The following PTPRK variants were observed in gnomAD, a reference collection of about 807,000 sequenced individuals.
The protein encoded by PTPRK is protein tyrosine phosphatase receptor type K.
Under a neutral mutation model 178.0 loss-of-function variants are expected in PTPRK, and 75 were observed. That is an observed-to-expected ratio of 0.42 (90% CI 0.35 to 0.51). PTPRK has a LOEUF of 0.51. Among genes scored for constraint, PTPRK ranks in the 20% least tolerant of loss-of-function variants. The probability of loss-of-function intolerance (pLI) is 0.02; values close to 1 mark genes in which losing one functional copy is unlikely to be tolerated. For missense variants in PTPRK, 1,441 were observed against 1,797.8 expected (o/e 0.80, Z 3.59); for synonymous variants, 637 against 620.6 (o/e 1.03, Z -0.39).
In PTPRK at chr6:128,077,048, C is replaced by T. The variant is rs559662614; in HGVS notation, c.1883+1765G>A. On this transcript the variant is annotated intron_variant, in intron 11 of 29. Transcript: ENST00000368226. ...GTGATGCAAAAATAATAAAAATATG[C>T]TGTGTTTGCAACTTACGTAAAATAA... Among the ~76,000 whole-genome samples, 17 of 152,148 alleles carry T rather than the reference C, an allele frequency of 1.1e-4. 1 individual carries two copies. The East Asian group carries it at 3.3e-3, about 29-fold the overall frequency.
chr6:128,479,597 G>T (rs999272267), intron 1 of PTPRK, among the ~76,000 whole-genome samples: 1 of 151,994 alleles, frequency 6.6e-6, no homozygotes, highest in Non-Finnish European at 1.5e-5. Context: ...TCACACATAG[G>T]TTTTCACTCT....
At position 128,437,230 on chromosome 6, in the gene PTPRK, G is replaced by T. The variant is rs1025201668; in HGVS notation, c.101-39542C>A. 1.2e-4 allele frequency among the ~76,000 whole-genome samples: 18 copies of T among 152,272 alleles called. 2 individuals are homozygous for T. Among genetic ancestry groups the T allele is most frequent in the Admixed American group, 7.8e-4 (12 of 15,288 alleles). Reference sequence around the variant, plus strand: ...TAAGAACAAAAACCATTCTTAGTTTGAGAATAGGTTTTGCTTTAAAGATAA... The same window carrying T: ...TAAGAACAAAAACCATTCTTAGTTTTAGAATAGGTTTTGCTTTAAAGATAA... On this transcript the variant is annotated intron_variant, in intron 1 of 29. Transcript: ENST00000368226.
chr6:128,520,166 C>T (rs915489828), intron 1 of PTPRK, 93 bp downstream of exon 1: 24 of 1,138,858 alleles, frequency 2.1e-5, no homozygotes, highest in Admixed American at 7.7e-5. Context: ...GAGCTCCCCA[C>T]GATCCTTGTC....
intron 11 of PTPRK, among the ~76,000 whole-genome samples, chr6:128,073,198 G>A (rs1783147023): frequency 6.6e-6 from 1 of 151,880 alleles, no homozygotes; most frequent in Admixed American, 6.6e-5. Context: ...AATATTTATT[G>A]AGTATCTGTT....
At chr6:128,512,051 A>G (rs1373479975) in intron 1 of PTPRK, among the ~76,000 whole-genome samples, 3 of 151,640 alleles carry the variant, frequency 2.0e-5, no homozygotes, top group Non-Finnish European at 4.4e-5. Flanking sequence ...CAGTACTAGT[A>G]AAAAAGACAA....
intron 13 of PTPRK, among the ~76,000 whole-genome samples, chr6:128,010,834 G>A (rs1778969746): frequency 6.6e-6 from 1 of 150,998 alleles, no homozygotes; most frequent in Admixed American, 6.6e-5. Context: ...CAAGGCTTTG[G>A]CTGGTGTATT....
At position 128,492,677 on chromosome 6, in the gene PTPRK, C is replaced by T. The variant is rs140551249; in HGVS notation, c.100+27582G>A. ...AGTTCATAGCTGTTATTTTCATGCT[C>T]AGTATCTAATTCATCTCCTACTACT... On this transcript the variant is annotated intron_variant, in intron 1 of 29. Coordinates refer to ENST00000368226, the MANE Select transcript of PTPRK (RefSeq NM_002844.4). Among the ~76,000 whole-genome samples, 54 of 152,310 alleles carry T rather than the reference C, an allele frequency of 3.5e-4. 1 individual carries two copies. The East Asian group carries it at 8.1e-3, about 23-fold the overall frequency.
intron 1 of PTPRK, among the ~76,000 whole-genome samples, chr6:128,489,754 C>T (rs1853497863): frequency 6.6e-6 from 1 of 152,282 alleles, no homozygotes; most frequent in South Asian, 2.1e-4. Context: ...TTTTCCTATA[C>T]AACCAACTCA....
At chr6:128,337,048 A>G (rs1831028809) in intron 2 of PTPRK, among the ~76,000 whole-genome samples, 1 of 152,126 alleles carries the variant, frequency 6.6e-6, no homozygotes, top group Non-Finnish European at 1.5e-5. Context: ...ATAATAAAAT[A>G]AGCATTTTTG....
intron 1 of PTPRK, among the ~76,000 whole-genome samples, chr6:128,457,650 T>C (rs1351163444): frequency 2.0e-5 from 3 of 152,172 alleles, no homozygotes; most frequent in Non-Finnish European, 2.9e-5. Context: ...TCCTCCACAA[T>C]ACTTAGCCAC....
At chr6:128,127,245 T>C (rs1047745026) in intron 7 of PTPRK, among the ~76,000 whole-genome samples, 4 of 152,220 alleles carry the variant, frequency 2.6e-5, no homozygotes, top group African/African-American at 9.6e-5. Flanking sequence ...TTGTTTTCCT[T>C]CTTCAGTACG....
intron 2 of PTPRK, among the ~76,000 whole-genome samples, chr6:128,338,639 T>C (rs1831258407): frequency 6.8e-6 from 1 of 147,266 alleles, no homozygotes; most frequent in Non-Finnish European, 1.5e-5. Flanking sequence ...GGCTAGGTCC[T>C]GTGCTTTGCT....
intron 3 of PTPRK, among the ~76,000 whole-genome samples, chr6:128,299,399 A>G (rs1392718956): frequency 6.6e-6 from 1 of 152,094 alleles, no homozygotes; most frequent in African/African-American, 2.4e-5. Context: ...ATCAAAAAAG[A>G]GCCCGCACTG....
At chr6:128,197,165 T>C (rs1489166344) in intron 6 of PTPRK, among the ~76,000 whole-genome samples, 1 of 146,532 alleles carries the variant, frequency 6.8e-6, no homozygotes, top group Non-Finnish European at 1.5e-5. Flanking sequence ...TTACATTTTT[T>C]AATCTCTTTT....
At chr6:128,030,880 G>A (rs999213024) in intron 13 of PTPRK, among the ~76,000 whole-genome samples, 4 of 152,188 alleles carry the variant, frequency 2.6e-5, no homozygotes, top group East Asian at 1.9e-4. Flanking sequence ...AAATGGTTAC[G>A]AACATCTGAG....
intron 19 of PTPRK, among the ~76,000 whole-genome samples, chr6:127,992,332 G>T (rs764253807): frequency 1.3e-5 from 2 of 151,684 alleles, no homozygotes; most frequent in Non-Finnish European, 3.0e-5. Context: ...AAGAAGACAG[G>T]CCTCTTATAT....
chr6:128,386,336 G>A (rs143123287), intron 2 of PTPRK, among the ~76,000 whole-genome samples: 83 of 152,292 alleles, frequency 5.5e-4, no homozygotes, highest in African/African-American at 1.9e-3. Flanking sequence ...CAAAGGCTGT[G>A]TATTTCATAT....
chr6:128,385,980 A>G (rs562261441), intron 2 of PTPRK, among the ~76,000 whole-genome samples: 7 of 152,346 alleles, frequency 4.6e-5, no homozygotes, highest in Non-Finnish European at 5.9e-5. Flanking sequence ...GAACTCATGC[A>G]GTGAATCAAT....
At chr6:128,448,451 CAT>C (rs1318024510) in intron 1 of PTPRK, among the ~76,000 whole-genome samples, 1 of 152,104 alleles carries the variant, frequency 6.6e-6, no homozygotes, top group African/African-American at 2.4e-5. Flanking sequence ...TTATAGAACT[CAT>C]AACATTTTTC....
Sources: gnomAD v4.1 joint callset for allele counts (sites outside exome capture counted in the v4.1 genomes callset) on GRCh38, gnomAD v4.1.1 for gene constraint, MANE v1.5 for transcripts, NCBI Gene and HGNC (gene_info 2026-07-23, HGNC 2026-07-21) for gene names.